RBFOX1: variants seen among roughly 807,000 people sequenced by gnomAD.
The protein encoded by RBFOX1 is RNA binding fox-1 homolog 1, also known as RNA binding protein fox-1 homolog 1.
Under a neutral mutation model 57.7 loss-of-function variants are expected in RBFOX1, and 8 were observed. The observed-to-expected ratio is 0.14, with a 90% CI of 0.08 to 0.25. The LOEUF (loss-of-function observed/expected upper bound fraction) is 0.25, where lower values mean the gene tolerates loss of function less well. RBFOX1 is among the 10% of genes least tolerant of loss of function. The pLI is 1.00. For synonymous variants in RBFOX1, 326 were observed against 222.4 expected, an observed-to-expected ratio of 1.47 and a Z score of -4.15; for missense variants, 611 against 548.5, an observed-to-expected ratio of 1.11 and a Z score of -1.14.
intron 2 of RBFOX1, among the ~76,000 whole-genome samples, chr16:6,418,102 G>T (rs2152984316): frequency 6.6e-6 from 1 of 152,276 alleles, no homozygotes; most frequent in African/African-American, 2.4e-5. Context: ...AGTACGAATG[G>T]TAAGTAACAT....
chr16:7,253,265 A>G (rs1309574598), intron 4 of RBFOX1, among the ~76,000 whole-genome samples: 2 of 152,330 alleles, frequency 1.3e-5, no homozygotes, highest in African/African-American at 2.4e-5. Flanking sequence ...GGTCAAATCA[A>G]CAAATCATTC....
At chr16:6,162,488 T>C (rs968964860) in intron 1 of RBFOX1, among the ~76,000 whole-genome samples, 13 of 152,180 alleles carry the variant, frequency 8.5e-5, no homozygotes, top group African/African-American at 3.1e-4. Flanking sequence ...TGCATCTATA[T>C]AAAATGTGAC....
chr16:7,560,032 A>C (rs1044290520), intron 5 of RBFOX1, among the ~76,000 whole-genome samples: 16 of 152,220 alleles, frequency 1.1e-4, no homozygotes, highest in Non-Finnish European at 1.8e-4. Context: ...TCTTGAGTGC[A>C]TAGGAGTATG....
intron 1 of RBFOX1, among the ~76,000 whole-genome samples, chr16:6,249,932 T>A (rs113240882): frequency 1.3e-5 from 2 of 151,410 alleles, no homozygotes; most frequent in African/African-American, 4.8e-5. Context: ...CCACTCCCCC[T>A]ACCCCACAAT....
At chr16:5,648,530 T>C (rs544051397) in intron 3 of RBFOX1, among the ~76,000 whole-genome samples, 95 of 151,734 alleles carry the variant, frequency 6.3e-4, no homozygotes, top group African/African-American at 2.3e-3. Context: ...TGCGGGGAGG[T>C]GGTACTGGCA....
At chr16:5,577,701 C>A (rs1596327223) in intron 2 of RBFOX1, among the ~76,000 whole-genome samples, 1 of 152,244 alleles carries the variant, frequency 6.6e-6, no homozygotes, top group African/African-American at 2.4e-5. Context: ...TACATCATAG[C>A]CCCAGTGAGG....
At chr16:5,692,328 G>T (rs942593378) in intron 3 of RBFOX1, among the ~76,000 whole-genome samples, 3 of 152,020 alleles carry the variant, frequency 2.0e-5, no homozygotes, top group Non-Finnish European at 2.9e-5. Context: ...GGAACTGCAG[G>T]CAGCCTCTAG....
At chr16:6,599,532 G>T (rs909380210) in intron 2 of RBFOX1, among the ~76,000 whole-genome samples, 1 of 152,132 alleles carries the variant, frequency 6.6e-6, no homozygotes, top group East Asian at 1.9e-4. Context: ...TAGTGGCTAG[G>T]AACTTCAGTT....
intron 1 of RBFOX1, among the ~76,000 whole-genome samples, chr16:5,315,478 G>C (rs751858626): frequency 1.3e-5 from 2 of 152,078 alleles, no homozygotes; most frequent in Non-Finnish European, 2.9e-5. Context: ...AGCAGCTCCC[G>C]GGGAACGGGG....
chr16:6,077,651 C>G (rs1391732689), intron 1 of RBFOX1, among the ~76,000 whole-genome samples: 1 of 150,976 alleles, frequency 6.6e-6, no homozygotes, highest in African/African-American at 2.4e-5. Context: ...CACTTTTCCC[C>G]TGCGCTCTTG....
At chr16:5,948,096 A>G (rs1005417395) in intron 4 of RBFOX1, among the ~76,000 whole-genome samples, 31 of 152,140 alleles carry the variant, frequency 2.0e-4, no homozygotes, top group African/African-American at 7.2e-4. Context: ...TGGTGAGTCT[A>G]TGTTTGCAAG....
At chr16:7,573,138 C>T (rs1160034930) in intron 5 of RBFOX1, among the ~76,000 whole-genome samples, 1 of 152,064 alleles carries the variant, frequency 6.6e-6, no homozygotes, top group African/African-American at 2.4e-5. Flanking sequence ...ATGGGTGACA[C>T]CTGGGCAGAG....
chr16:5,279,590 C>G (rs1208998850), intron 1 of RBFOX1, among the ~76,000 whole-genome samples: 1 of 152,158 alleles, frequency 6.6e-6, no homozygotes, highest in African/African-American at 2.4e-5. Context: ...CAACCTCCGC[C>G]TCTCGGGTTC....
intron 3 of RBFOX1, among the ~76,000 whole-genome samples, chr16:5,807,364 C>T (rs2055264579): frequency 2.0e-5 from 3 of 152,072 alleles, no homozygotes; most frequent in African/African-American, 7.2e-5. Flanking sequence ...TTCAGGATGC[C>T]ACAGGGCCAG....
At chr16:7,105,578 G>C (rs770831841) in intron 4 of RBFOX1, among the ~76,000 whole-genome samples, 2 of 151,974 alleles carry the variant, frequency 1.3e-5, no homozygotes, top group Non-Finnish European at 2.9e-5. Flanking sequence ...AACATACAAC[G>C]TTTGGTTTTG....
intron 4 of RBFOX1, among the ~76,000 whole-genome samples, chr16:7,228,887 A>C (rs543184255): frequency 6.6e-6 from 1 of 152,180 alleles, no homozygotes; most frequent in Non-Finnish European, 1.5e-5. Context: ...GCTTCACGTT[A>C]TCTGTTGCAT....
intron 2 of RBFOX1, among the ~76,000 whole-genome samples, chr16:6,359,839 C>T (rs574221585): frequency 1.3e-5 from 2 of 152,194 alleles, no homozygotes; most frequent in Admixed American, 6.5e-5. Flanking sequence ...AAAAAAAATG[C>T]CCTCAAAACA....
At chr16:5,747,284 G>T (rs1200535050) in intron 3 of RBFOX1, among the ~76,000 whole-genome samples, 2 of 152,150 alleles carry the variant, frequency 1.3e-5, no homozygotes, top group African/African-American at 2.4e-5. Context: ...GATTCAGTTT[G>T]CCAGTATTTT....
chr16:6,341,528 G>A (rs1204855228), intron 2 of RBFOX1, among the ~76,000 whole-genome samples: 1 of 152,112 alleles, frequency 6.6e-6, no homozygotes, highest in Admixed American at 6.6e-5. Flanking sequence ...CCCATATCTT[G>A]AAAACAAAAG....
Sources: allele counts gnomAD v4.1 joint callset (sites outside exome capture counted in the v4.1 genomes callset), GRCh38; gene constraint gnomAD v4.1.1; transcripts MANE v1.5; gene names NCBI Gene and HGNC (gene_info 2026-07-23, HGNC 2026-07-21).